Variants in ABTB3 observed in about 807,000 individuals in gnomAD.
ABTB3 encodes the protein ankyrin repeat and BTB domain containing 3.
At chr12:107,643,947 A>G in the ABTB3 span, among the ~76,000 whole-genome samples, 5 of 152,056 alleles carry the variant, frequency 3.3e-5, no homozygotes, top group Middle Eastern at 3.4e-3. Context: ...TACTTTTTAT[A>G]GAGATTGGGT....
chr12:107,610,455 G>A, the ABTB3 span: 16 of 1,413,854 alleles, frequency 1.1e-5, no homozygotes, highest in Admixed American at 2.0e-5. Flanking sequence ...CAGGCGCTGG[G>A]CAGAGGCTCC....
At chr12:107,473,279 AC>A in the ABTB3 span, among the ~76,000 whole-genome samples, 2 of 151,678 alleles carry the variant, frequency 1.3e-5, no homozygotes, top group Non-Finnish European at 2.9e-5. Flanking sequence ...AGCATGGCCA[AC>A]CCCCCATCCT....
chr12:107,543,246 G>C, the ABTB3 span, among the ~76,000 whole-genome samples: 1 of 150,416 alleles, frequency 6.6e-6, no homozygotes, highest in South Asian at 2.1e-4. Flanking sequence ...TGAGGAGGCA[G>C]GAGAATCGAT....
At chr12:107,414,633 C>T in the ABTB3 span, among the ~76,000 whole-genome samples, 3 of 152,080 alleles carry the variant, frequency 2.0e-5, no homozygotes, top group African/African-American at 4.8e-5. Flanking sequence ...CATTTGCACC[C>T]CGTTTTGAGG....
the ABTB3 span, among the ~76,000 whole-genome samples, chr12:107,471,601 G>T: frequency 6.6e-6 from 1 of 152,192 alleles, no homozygotes; most frequent in African/African-American, 2.4e-5. Context: ...AGGTTGGTGT[G>T]AGCTTTGCCT....
the ABTB3 span, among the ~76,000 whole-genome samples, chr12:107,400,310 G>C: frequency 2.0e-5 from 3 of 152,064 alleles, no homozygotes; most frequent in African/African-American, 7.2e-5. Flanking sequence ...AGATGCTTAG[G>C]GGGCATTCAT....
chr12:107,590,323 G>A, the ABTB3 span, among the ~76,000 whole-genome samples: 1 of 152,288 alleles, frequency 6.6e-6, no homozygotes, highest in South Asian at 2.1e-4. Context: ...AAACCTTTGG[G>A]GGGCACTTGG....
the ABTB3 span, among the ~76,000 whole-genome samples, chr12:107,595,132 G>GA: frequency 6.6e-6 from 1 of 152,142 alleles, no homozygotes; most frequent in Admixed American, 6.5e-5. Flanking sequence ...AATGACTTTG[G>GA]AAAAAAGATG....
the ABTB3 span, among the ~76,000 whole-genome samples, chr12:107,640,940 T>C: frequency 6.6e-6 from 1 of 152,264 alleles, no homozygotes; most frequent in South Asian, 2.1e-4. Context: ...TCCAGGGACC[T>C]GAACAGGGAG....
At chr12:107,554,970 C>G in the ABTB3 span, among the ~76,000 whole-genome samples, 1 of 152,122 alleles carries the variant, frequency 6.6e-6, no homozygotes, top group Non-Finnish European at 1.5e-5. Context: ...CTGGAGTGAG[C>G]CTTGCAGGGC....
chr12:107,399,627 C>T, the ABTB3 span, among the ~76,000 whole-genome samples: 4 of 152,194 alleles, frequency 2.6e-5, no homozygotes, highest in African/African-American at 4.8e-5. Context: ...ATAGCAGCTA[C>T]GATTCTGTGT....
chr12:107,353,975 C>G, the ABTB3 span, among the ~76,000 whole-genome samples: 2 of 152,072 alleles, frequency 1.3e-5, no homozygotes, highest in Non-Finnish European at 2.9e-5. Context: ...TCTAGTAGAC[C>G]AGTAGAAGGT....
At chr12:107,476,269 C>T in the ABTB3 span, among the ~76,000 whole-genome samples, 7 of 152,124 alleles carry the variant, frequency 4.6e-5, no homozygotes, top group Admixed American at 2.0e-4. Flanking sequence ...TGGGTCTCTA[C>T]CACCCCAGCC....
the ABTB3 span, among the ~76,000 whole-genome samples, chr12:107,351,501 G>C: frequency 1.3e-5 from 2 of 152,158 alleles, no homozygotes; most frequent in Non-Finnish European, 2.9e-5. Flanking sequence ...TCATGTATTG[G>C]CAACTTAATC....
At chr12:107,606,936 G>A in the ABTB3 span, among the ~76,000 whole-genome samples, 110 of 152,220 alleles carry the variant, frequency 7.2e-4, 2 homozygotes, top group African/African-American at 2.6e-3. Context: ...ACTCTGGCCC[G>A]CCTCCCTCTG....
the ABTB3 span, among the ~76,000 whole-genome samples, chr12:107,619,699 A>G: frequency 6.6e-6 from 1 of 152,228 alleles, no homozygotes; most frequent in East Asian, 1.9e-4. Flanking sequence ...CGATGATTAC[A>G]TCTTGTGAAA....
At chr12:107,468,349 C>T in the ABTB3 span, among the ~76,000 whole-genome samples, 2 of 152,072 alleles carry the variant, frequency 1.3e-5, no homozygotes, top group Non-Finnish European at 2.9e-5. Flanking sequence ...GAGAGGGAAG[C>T]TGACCAGTCA....
chr12:107,429,697 T>C, the ABTB3 span, among the ~76,000 whole-genome samples: 1 of 152,244 alleles, frequency 6.6e-6, no homozygotes, highest in Non-Finnish European at 1.5e-5. Flanking sequence ...GTCTGCTTTA[T>C]GAATGCGTAG....
chr12:107,458,087 T>C, the ABTB3 span, among the ~76,000 whole-genome samples: 1 of 152,204 alleles, frequency 6.6e-6, no homozygotes, highest in African/African-American at 2.4e-5. Flanking sequence ...ACCTCTGCTA[T>C]CTTTGTTCTT....
Sources: allele counts gnomAD v4.1 joint callset (sites outside exome capture counted in the v4.1 genomes callset), GRCh38; gene constraint gnomAD v4.1.1; transcripts MANE v1.5; gene names NCBI Gene and HGNC (gene_info 2026-07-23, HGNC 2026-07-21).